PLPPR1: variants seen among roughly 807,000 people sequenced by gnomAD.
The protein encoded by PLPPR1 is phospholipid phosphatase-related protein type 1.
PLPPR1 carries 10 observed loss-of-function variants against 33.1 expected under a neutral mutation model. That is an observed-to-expected ratio of 0.30 (90% CI 0.19 to 0.51). The LOEUF (loss-of-function observed/expected upper bound fraction) is 0.51. Among genes scored for constraint, PLPPR1 ranks in the 20% least tolerant of loss-of-function variants. The pLI is 0.97. For missense variants in PLPPR1, 304 were observed against 408.1 expected, an observed-to-expected ratio of 0.74 and a Z score of 2.20; for synonymous variants, 151 against 151.0, an observed-to-expected ratio of 1.00 and a Z score of 0.00.
chr9:101,153,280 A>G (rs1278187340), intron 1 of PLPPR1, among the ~76,000 whole-genome samples: 1 of 152,202 alleles, frequency 6.6e-6, no homozygotes, highest in African/African-American at 2.4e-5. Flanking sequence ...TTATCAGCTT[A>G]AGGAGATTTT....
At chr9:101,039,549 A>G (rs1409940087) in intron 1 of PLPPR1, among the ~76,000 whole-genome samples, 2 of 152,156 alleles carry the variant, frequency 1.3e-5, no homozygotes, top group Non-Finnish European at 2.9e-5. Context: ...TACCTTCTGT[A>G]TTAGTCCATT....
At chr9:101,248,699 A>T (rs986197278) in intron 2 of PLPPR1, among the ~76,000 whole-genome samples, 2 of 152,038 alleles carry the variant, frequency 1.3e-5, no homozygotes, top group Admixed American at 6.6e-5. Context: ...TGTTTCTCTA[A>T]TTCAAATCTC....
intron 1 of PLPPR1, among the ~76,000 whole-genome samples, chr9:101,134,426 A>G (rs1831353009): frequency 6.6e-6 from 1 of 150,704 alleles, no homozygotes; most frequent in African/African-American, 2.4e-5. Flanking sequence ...TCTGTCACCC[A>G]GGCTGGAGTG....
At chr9:101,124,222 C>T (rs1831214206) in intron 1 of PLPPR1, among the ~76,000 whole-genome samples, 2 of 152,160 alleles carry the variant, frequency 1.3e-5, no homozygotes, top group African/African-American at 4.8e-5. Flanking sequence ...ACTTCCCACA[C>T]ATCTCCCCTT....
intron 1 of PLPPR1, among the ~76,000 whole-genome samples, chr9:101,038,533 A>G (rs953394146): frequency 6.6e-6 from 1 of 152,110 alleles, no homozygotes; most frequent in Non-Finnish European, 1.5e-5. Context: ...ATTTTTCTAG[A>G]TAAGAAAATT....
intron 2 of PLPPR1, among the ~76,000 whole-genome samples, chr9:101,195,504 C>T (rs1426085620): frequency 1.3e-5 from 2 of 152,006 alleles, no homozygotes; most frequent in African/African-American, 4.8e-5. Flanking sequence ...ATAGCATTCC[C>T]TGTCACTAAA....
At chr9:101,255,294 C>A (rs1230497775) in intron 2 of PLPPR1, among the ~76,000 whole-genome samples, 1 of 152,080 alleles carries the variant, frequency 6.6e-6, no homozygotes, top group Admixed American at 6.6e-5. Flanking sequence ...TACCCTTTAG[C>A]AACTAGCTCA....
At chr9:101,060,572 A>G (rs950556646) in intron 1 of PLPPR1, among the ~76,000 whole-genome samples, 1 of 151,962 alleles carries the variant, frequency 6.6e-6, no homozygotes, top group Non-Finnish European at 1.5e-5. Flanking sequence ...TTCACCATAC[A>G]TGAATATGTA....
chr9:101,175,274 T>C (rs573135098), intron 1 of PLPPR1, among the ~76,000 whole-genome samples: 68 of 152,320 alleles, frequency 4.5e-4, no homozygotes, highest in South Asian at 6.2e-4. Flanking sequence ...CTAAGCAGTT[T>C]TGTGGACACC....
At chr9:101,079,508 G>A (rs78237589) in intron 1 of PLPPR1, among the ~76,000 whole-genome samples, 5,873 of 151,792 alleles carry the variant, frequency 0.039, 173 homozygotes, top group East Asian at 0.081. Context: ...GGGCATGTAA[G>A]GGCTTCTAGA....
chr9:101,225,296 A>C (rs1395363553), intron 2 of PLPPR1, among the ~76,000 whole-genome samples: 2 of 152,188 alleles, frequency 1.3e-5, no homozygotes, highest in Non-Finnish European at 2.9e-5. Flanking sequence ...TTTCTTTAGA[A>C]TACATGACAT....
rs1829907359 is a variant in PLPPR1 at position 101,029,107 on chromosome 9, G to A, written c.-46+5G>A. 6.5e-6 allele frequency: 1 copy of A among 152,794 alleles called. No individual in the cohort carries two copies. The highest frequency in any genetic ancestry group is 6.5e-5 in the Admixed American group (1 of 15,300). 9.5% of individuals were successfully genotyped at this position (152,794 alleles called of 1,614,324 possible). A position where few individuals can be genotyped will look rare whatever the true frequency, so the allele number is the denominator to read the frequency against. The stretch of plus-strand genomic sequence containing the variant: ...GAGGACGCTCCGCTGCGGGAGGTGA[G>A]TGCGGCGCCCGCAGCCGGGCCGCTG... On this transcript the variant is annotated splice_donor_5th_base_variant and intron_variant, in intron 1 of 7. Transcript: ENST00000374874.
chr9:101,082,259 T>G (rs1166898751), intron 1 of PLPPR1, among the ~76,000 whole-genome samples: 1 of 152,160 alleles, frequency 6.6e-6, no homozygotes, highest in Admixed American at 6.5e-5. Flanking sequence ...AGTCCCTAGG[T>G]TTACTTGCTC....
chr9:101,282,515 A>T (rs751106652), intron 3 of PLPPR1, among the ~76,000 whole-genome samples: 68 of 152,192 alleles, frequency 4.5e-4, no homozygotes, highest in Non-Finnish European at 2.9e-5. Flanking sequence ...GACAAGGGTA[A>T]CTCTCACCAC....
At chr9:101,193,457 G>A (rs1308916763) in intron 2 of PLPPR1, among the ~76,000 whole-genome samples, 1 of 152,088 alleles carries the variant, frequency 6.6e-6, no homozygotes, top group Non-Finnish European at 1.5e-5. Context: ...AAATGGTAAT[G>A]ATAACTGTAA....
At chr9:101,318,142 G>A (rs1829088911) in intron 7 of PLPPR1, among the ~76,000 whole-genome samples, 1 of 152,116 alleles carries the variant, frequency 6.6e-6, no homozygotes, top group African/African-American at 2.4e-5. Flanking sequence ...ACCAACCTGG[G>A]CAATGTAACA....
intron 2 of PLPPR1, among the ~76,000 whole-genome samples, chr9:101,245,613 T>G (rs1411287912): frequency 6.6e-6 from 1 of 151,970 alleles, no homozygotes; most frequent in East Asian, 1.9e-4. Flanking sequence ...GCATATCAAG[T>G]ATTAAACGCT....
intron 1 of PLPPR1, among the ~76,000 whole-genome samples, chr9:101,091,990 G>A (rs1324666632): frequency 6.6e-6 from 1 of 152,096 alleles, no homozygotes; most frequent in African/African-American, 2.4e-5. Flanking sequence ...TGAAGCATGG[G>A]TCCCCTCTTG....
intron 1 of PLPPR1, among the ~76,000 whole-genome samples, chr9:101,181,361 A>G (rs921259208): frequency 1.3e-5 from 2 of 151,068 alleles, no homozygotes; most frequent in Non-Finnish European, 3.0e-5. Flanking sequence ...GCACTGTTGA[A>G]TGGGAATGTA....
Sources: gnomAD v4.1 joint callset for allele counts (sites outside exome capture counted in the v4.1 genomes callset) on GRCh38, gnomAD v4.1.1 for gene constraint, MANE v1.5 for transcripts, NCBI Gene and HGNC (gene_info 2026-07-23, HGNC 2026-07-21) for gene names.